Variants in KLHL1 observed in about 807,000 individuals in gnomAD.
The protein encoded by KLHL1 is kelch like family member 1, also known as kelch-like protein 1.
Under a neutral mutation model 77.7 loss-of-function variants are expected in KLHL1, and 47 were observed. The observed-to-expected ratio is 0.60, with a 90% CI of 0.48 to 0.77. The LOEUF (loss-of-function observed/expected upper bound fraction) is 0.77, where lower values mean the gene tolerates loss of function less well. KLHL1 is among the 30% of genes least tolerant of loss of function. The pLI, the probability that KLHL1 is intolerant of heterozygous loss-of-function variation, is 0.00. For missense variants in KLHL1, 925 were observed against 910.8 expected, an observed-to-expected ratio of 1.02 and a Z score of -0.20; for synonymous variants, 360 against 325.2, an observed-to-expected ratio of 1.11 and a Z score of -1.15.
chr13:69,733,374 C>A (rs929088845), intron 8 of KLHL1, among the ~76,000 whole-genome samples: 2 of 152,024 alleles, frequency 1.3e-5, no homozygotes, highest in Non-Finnish European at 2.9e-5. Flanking sequence ...TGAGAAGACA[C>A]AGGAAAGTCC....
chr13:69,824,708 G>C (rs1231536126), intron 6 of KLHL1, among the ~76,000 whole-genome samples: 1 of 152,098 alleles, frequency 6.6e-6, no homozygotes, highest in African/African-American at 2.4e-5. Context: ...ACTAACGTAG[G>C]TTGAAAAAAT....
chr13:70,067,094 A>G (rs1450249653), intron 1 of KLHL1, among the ~76,000 whole-genome samples: 1 of 152,168 alleles, frequency 6.6e-6, no homozygotes, highest in Non-Finnish European at 1.5e-5. Flanking sequence ...CAGCTTTATA[A>G]ATGGTTCAGC....
In KLHL1 at chr13:70,045,873, AT is replaced by A. The variant is rs751083573; in HGVS notation, c.497+61329del. ...CCAGATTAACAGAGCACCTTCCTCT[AT>A]CTGTTTTGTCAAAGCTTTTAATCAC... is the stretch of plus-strand genomic sequence containing the variant. On this transcript the variant is annotated intron_variant, in intron 1 of 10. Transcript: ENST00000377844. 1.3e-4 allele frequency among the ~76,000 whole-genome samples: 20 copies of A among 152,318 alleles called. No individual in the cohort carries two copies. The South Asian group carries it at 3.7e-3, about 28-fold the overall frequency.
intron 4 of KLHL1, among the ~76,000 whole-genome samples, chr13:69,904,068 T>C (rs931567846): frequency 2.0e-5 from 3 of 152,208 alleles, no homozygotes; most frequent in Non-Finnish European, 4.4e-5. Flanking sequence ...TATATTAATA[T>C]GCAGACCAGA....
In KLHL1 at chr13:70,040,530, G is replaced by C. The variant is rs190672706; in HGVS notation, c.498-64728C>G. Among the ~76,000 whole-genome samples the C allele has an allele frequency of 3.1e-3, 477 of 152,258 alleles. 1 individual carries two copies. The highest frequency in any genetic ancestry group is 6.8e-3 in the Admixed American group (104 of 15,286). ...TCTTTAGGCACTTGAAAACTATTGTGCTGCTTCCTTCTGACTTCCATGATT... is the reference window on the plus strand; with the variant it reads ...TCTTTAGGCACTTGAAAACTATTGTCCTGCTTCCTTCTGACTTCCATGATT... On this transcript the variant is annotated intron_variant, in intron 1 of 10. Coordinates refer to ENST00000377844, the MANE Select transcript of KLHL1 (RefSeq NM_020866.3).
intron 9 of KLHL1, among the ~76,000 whole-genome samples, 199 bp from the exon 10 acceptor site, chr13:69,707,995 G>T (rs1875704352): frequency 6.6e-6 from 1 of 151,776 alleles, no homozygotes; most frequent in Non-Finnish European, 1.5e-5. Flanking sequence ...TTTTAAAAAT[G>T]TATTCAGACT....
intron 4 of KLHL1, among the ~76,000 whole-genome samples, chr13:69,927,714 C>G (rs1050441672): frequency 6.6e-6 from 1 of 152,078 alleles, no homozygotes; most frequent in African/African-American, 2.4e-5. Context: ...CTATTTTACA[C>G]ATACTAGGAT....
chr13:70,014,560 T>TAAGA (rs3072516), intron 1 of KLHL1, among the ~76,000 whole-genome samples: 119,942 of 151,664 alleles, frequency 0.79, 47,477 homozygotes, highest in Admixed American at 0.82. Flanking sequence ...TTGAAAATGA[T>TAAGA]AAGTGCAAAA....
At chr13:69,871,871 A>G (rs936097926) in intron 5 of KLHL1, among the ~76,000 whole-genome samples, 1 of 152,088 alleles carries the variant, frequency 6.6e-6, no homozygotes, top group African/African-American at 2.4e-5. Flanking sequence ...CACTTGAGCA[A>G]TCTCTAAGAA....
At chr13:69,744,428 T>A (rs909812045) in intron 7 of KLHL1, among the ~76,000 whole-genome samples, 1 of 151,860 alleles carries the variant, frequency 6.6e-6, no homozygotes, top group Admixed American at 6.6e-5. Context: ...TCCATATGTG[T>A]CTTGTTTTTC....
chr13:69,750,689 C>T (rs377069971), intron 7 of KLHL1, among the ~76,000 whole-genome samples: 26 of 151,972 alleles, frequency 1.7e-4, no homozygotes, highest in African/African-American at 5.8e-4. Flanking sequence ...GATCATGGGC[C>T]TAACACAATG....
intron 9 of KLHL1, among the ~76,000 whole-genome samples, chr13:69,718,809 A>G (rs1405847203): frequency 6.6e-6 from 1 of 152,150 alleles, no homozygotes; most frequent in Non-Finnish European, 1.5e-5. Flanking sequence ...AGAAAGAGTT[A>G]TAAGAGAACC....
intron 3 of KLHL1, among the ~76,000 whole-genome samples, chr13:69,956,894 G>A (rs568935640): frequency 6.6e-5 from 10 of 151,740 alleles, no homozygotes; most frequent in Admixed American, 4.0e-4. Flanking sequence ...CATAGAAAAC[G>A]TTCGTCTGTA....
chr13:69,770,995 C>T (rs571051644), intron 7 of KLHL1, among the ~76,000 whole-genome samples: 12 of 152,272 alleles, frequency 7.9e-5, no homozygotes, highest in Non-Finnish European at 1.6e-4. Context: ...GTGAAAGATA[C>T]TACCTTTAGA....
intron 4 of KLHL1, among the ~76,000 whole-genome samples, chr13:69,939,351 A>ATATATATATAT (rs1245694620): frequency 4.2e-5 from 2 of 48,140 alleles, no homozygotes; most frequent in Non-Finnish European, 9.4e-5. Flanking sequence ...ATATATATAT[A>ATATATATATAT]TATATATATA....
chr13:70,005,206 T>G (rs962849002), intron 1 of KLHL1, among the ~76,000 whole-genome samples: 3 of 151,954 alleles, frequency 2.0e-5, no homozygotes, highest in African/African-American at 7.2e-5. Context: ...AATGAATAAC[T>G]AAAATAAATT....
At chr13:69,993,408 G>A (rs1296515629) in intron 1 of KLHL1, among the ~76,000 whole-genome samples, 3 of 152,034 alleles carry the variant, frequency 2.0e-5, no homozygotes, top group Non-Finnish European at 4.4e-5. Flanking sequence ...GGATTGGATG[G>A]GGTTCCTCAT....
chr13:69,955,366 A>G (rs1883834727), intron 3 of KLHL1, among the ~76,000 whole-genome samples: 1 of 151,394 alleles, frequency 6.6e-6, no homozygotes, highest in African/African-American at 2.4e-5. Context: ...AATTAACTTC[A>G]GTGGCACACA....
intron 1 of KLHL1, among the ~76,000 whole-genome samples, chr13:70,100,357 GTA>G (rs1200757752): frequency 6.6e-6 from 1 of 151,850 alleles, no homozygotes; most frequent in African/African-American, 2.4e-5. Context: ...ATTGAATTTT[GTA>G]TGTTTATTCT....
Sources: allele counts gnomAD v4.1 joint callset (sites outside exome capture counted in the v4.1 genomes callset), GRCh38; gene constraint gnomAD v4.1.1; transcripts MANE v1.5; gene names NCBI Gene and HGNC (gene_info 2026-07-23, HGNC 2026-07-21).